Variants in DNMBP observed in about 807,000 individuals in gnomAD.
The protein encoded by DNMBP is dynamin-binding protein.
A neutral mutation model predicts 150.0 loss-of-function variants in DNMBP; 87 were observed. That is an observed-to-expected ratio of 0.58 (90% CI 0.49 to 0.69). The LOEUF is 0.69. Among genes scored for constraint, DNMBP ranks in the 30% least tolerant of loss-of-function variants. DNMBP has a pLI of 0.00. For missense variants in DNMBP, 1,774 were observed against 1,949.0 expected (o/e 0.91, Z 1.69); for synonymous variants, 711 against 750.4 (o/e 0.95, Z 0.86).
chr10:99,889,945 C>A (rs773065208), intron 11 of DNMBP, among the ~76,000 whole-genome samples: 5 of 152,162 alleles, frequency 3.3e-5, no homozygotes, highest in Admixed American at 1.3e-4. Context: ...ATGCTGTCAC[C>A]GTCTCAAAGA....
chr10:99,879,082 C>A (rs2039319551), intron 16 of DNMBP, among the ~76,000 whole-genome samples: 1 of 37,458 alleles, frequency 2.7e-5, no homozygotes, highest in Non-Finnish European at 6.3e-5. Context: ...AAGACTCTGT[C>A]TCAAAAAAAA....
intron 1 of DNMBP, among the ~76,000 whole-genome samples, chr10:100,004,054 C>T (rs1486340748): frequency 2.7e-5 from 4 of 148,488 alleles, no homozygotes; most frequent in Admixed American, 1.4e-4. Context: ...CAACAAAGGG[C>T]GTCCCTATCT....
chr10:99,977,498 A>C (rs553826851), intron 1 of DNMBP, among the ~76,000 whole-genome samples: 1 of 152,364 alleles, frequency 6.6e-6, no homozygotes, highest in Admixed American at 6.5e-5. Flanking sequence ...CAGGGACAGC[A>C]GAAAAATTTG....
At chr10:99,898,633 G>A (rs2039694552) in intron 8 of DNMBP, 110 bp downstream of exon 8, 2 of 1,178,608 alleles carry the variant, frequency 1.7e-6, no homozygotes, top group East Asian at 2.3e-5. Flanking sequence ...AGCAAGGTGA[G>A]TCTACTTCTA....
chr10:99,958,037 G>A (rs2040520474), intron 3 of DNMBP: 1 of 152,194 alleles, frequency 6.6e-6, no homozygotes, highest in Non-Finnish European at 1.5e-5. Context: ...AGGAGGCTGA[G>A]GCAGAAATTA....
chr10:99,987,611 G>C (rs2040842870), intron 1 of DNMBP, among the ~76,000 whole-genome samples: 1 of 152,062 alleles, frequency 6.6e-6, no homozygotes, highest in Non-Finnish European at 1.5e-5. Context: ...GTGTGCACCT[G>C]TAGTCCCAGC....
chr10:99,903,546 T>C (rs1408848979), intron 6 of DNMBP, among the ~76,000 whole-genome samples: 1 of 152,044 alleles, frequency 6.6e-6, no homozygotes, highest in Non-Finnish European at 1.5e-5. Context: ...TTGGTCAGGC[T>C]GGTCTCGAAC....
At position 99,880,290 on chromosome 10, in the gene DNMBP, C is replaced by T. The variant is rs768486959; in HGVS notation, c.4069G>A (p.Val1357Met). 5.6e-6 allele frequency: 9 copies of T among 1,613,474 alleles called. No homozygotes were observed. The highest frequency in any genetic ancestry group is 1.7e-4 in the Middle Eastern group (1 of 6,054). ...NPRRSHSDAS[V>M]GSHSSTESEH... is the part of the protein sequence containing the mutation. Reference sequence around the variant, plus strand: ...GACTCTGTGGAGGAGTGGCTACCCACGGAGGCATCGGAGTGGCTGCGGCGA... The same window carrying T: ...GACTCTGTGGAGGAGTGGCTACCCATGGAGGCATCGGAGTGGCTGCGGCGA... Residue 1357 changes from valine (V) to methionine (M), a missense_variant, in exon 16 of 17, where the codon GTG (valine) becomes ATG (methionine). Val to Met is a conservative substitution (Grantham distance 21, BLOSUM62 1). Coordinates refer to ENST00000324109, the MANE Select transcript of DNMBP (RefSeq NM_015221.4).
intron 1 of DNMBP, among the ~76,000 whole-genome samples, chr10:99,983,717 C>A (rs985202927): frequency 5.9e-5 from 9 of 152,184 alleles, no homozygotes; most frequent in African/African-American, 2.2e-4. Flanking sequence ...ACTGGAAGAA[C>A]AAATGAAAAC....
intron 4 of DNMBP, among the ~76,000 whole-genome samples, chr10:99,910,279 C>T (rs550302383): frequency 2.6e-5 from 4 of 152,368 alleles, no homozygotes; most frequent in Non-Finnish European, 5.9e-5. Flanking sequence ...CAGTGGCTCA[C>T]GCCCATGATC....
chr10:99,917,360 A>G (rs2039975613), intron 4 of DNMBP, among the ~76,000 whole-genome samples: 1 of 152,200 alleles, frequency 6.6e-6, no homozygotes, highest in Non-Finnish European at 1.5e-5. Context: ...ATTGCTGAAA[A>G]AAGTTTATGA....
At chr10:99,908,215 C>G (rs1320518522) in intron 5 of DNMBP, 121 bp from the exon 6 acceptor site, 1 of 689,582 alleles carries the variant, frequency 1.5e-6, no homozygotes. Flanking sequence ...TCTTCACTCA[C>G]TTTCATGAAG....
intron 1 of DNMBP, among the ~76,000 whole-genome samples, chr10:99,992,137 G>A (rs2040901245): frequency 2.6e-5 from 4 of 151,688 alleles, no homozygotes; most frequent in Admixed American, 2.6e-4. Context: ...CTACTTGGGA[G>A]GCTAAAGTGG....
chr10:99,925,566 C>A (rs1328856250), intron 4 of DNMBP, among the ~76,000 whole-genome samples: 4 of 152,150 alleles, frequency 2.6e-5, no homozygotes, highest in African/African-American at 9.7e-5. Flanking sequence ...CAGGCGCCCA[C>A]CAACATGCCC....
intron 4 of DNMBP, among the ~76,000 whole-genome samples, chr10:99,951,138 G>A (rs2040417915): frequency 6.6e-6 from 1 of 152,210 alleles, no homozygotes; most frequent in Non-Finnish European, 1.5e-5. Context: ...GGCTTCAGAG[G>A]GTGCAAGCCC....
intron 4 of DNMBP, among the ~76,000 whole-genome samples, chr10:99,924,687 A>C (rs2040058846): frequency 6.6e-6 from 1 of 152,192 alleles, no homozygotes; most frequent in Non-Finnish European, 1.5e-5. Flanking sequence ...CAATTAAAGG[A>C]GATATGGGAT....
At chr10:99,935,520 G>A (rs1164645092) in intron 4 of DNMBP, among the ~76,000 whole-genome samples, 1 of 152,144 alleles carries the variant, frequency 6.6e-6, no homozygotes, top group Non-Finnish European at 1.5e-5. Flanking sequence ...ACGAGTAGCT[G>A]AGACTACAGG....
intron 4 of DNMBP, among the ~76,000 whole-genome samples, chr10:99,912,967 C>A (rs902383384): frequency 3.9e-5 from 6 of 152,180 alleles, no homozygotes; most frequent in South Asian, 2.1e-4. Flanking sequence ...TCCTTTATGC[C>A]ACATATATTC....
intron 16 of DNMBP, among the ~76,000 whole-genome samples, chr10:99,878,405 C>T (rs895959668): frequency 6.6e-6 from 1 of 152,198 alleles, no homozygotes; most frequent in African/African-American, 2.4e-5. Flanking sequence ...AACTACATTC[C>T]CTGCTCGAAC....
Sources: allele counts gnomAD v4.1 joint callset (sites outside exome capture counted in the v4.1 genomes callset), GRCh38; gene constraint gnomAD v4.1.1; transcripts MANE v1.5; gene names NCBI Gene and HGNC (gene_info 2026-07-23, HGNC 2026-07-21).